AP1AR: variants seen among roughly 807,000 people sequenced by gnomAD.
The protein encoded by AP1AR is AP-1 complex-associated regulatory protein.
A neutral mutation model predicts 46.3 loss-of-function variants in AP1AR; 29 were observed. The ratio of observed to expected loss-of-function variants is 0.63; its 90% CI spans 0.47 to 0.85. The LOEUF is 0.85. Ranked by LOEUF, AP1AR falls within the 40% of genes least tolerant of loss-of-function variation. The pLI is 0.00. For synonymous variants in AP1AR, 122 were observed against 122.9 expected (o/e 0.99, Z 0.05); for missense variants, 357 against 356.3 (o/e 1.00, Z -0.02).
intron 9 of AP1AR, 173 bp downstream of exon 9, chr4:112,266,889 T>G (rs1019679191): frequency 1.9e-6 from 1 of 522,778 alleles, no homozygotes; most frequent in African/African-American, 2.0e-5. Flanking sequence ...TAAAAATTTT[T>G]AGAAAATTGC....
intron 1 of AP1AR, among the ~76,000 whole-genome samples, chr4:112,240,234 T>C (rs1426330132): frequency 6.6e-6 from 1 of 152,214 alleles, no homozygotes. Flanking sequence ...GTGTCACACT[T>C]TTCCTTGAAT....
chr4:112,247,077 A>C (rs1193627381), intron 1 of AP1AR, among the ~76,000 whole-genome samples: 2 of 152,196 alleles, frequency 1.3e-5, no homozygotes, highest in Non-Finnish European at 2.9e-5. Context: ...ACTGGGAGAT[A>C]ACTCACTCTT....
Position 112,268,563 on chromosome 4 carries a change from G to T in AP1AR, c.*154G>T. 1.5e-6 allele frequency: 1 copy of T among 673,212 alleles called. No homozygotes were observed. Among genetic ancestry groups the T allele is most frequent in the Non-Finnish European group, 2.2e-6 (1 of 446,880 alleles). 41.7% of individuals were successfully genotyped at this position (673,212 alleles called of 1,614,324 possible). ...TATTACAAAGGAGTAGGGATGATAG[G>T]ATCTGAATTGATACAGAATTAAGTG... On this transcript the variant is annotated 3_prime_UTR_variant, in exon 10 of 10. Transcript: ENST00000274000.
At position 112,254,611 on chromosome 4, in the gene AP1AR, T is replaced by C. The variant is rs1045903741; in HGVS notation, c.133-136T>C. 8.1e-6 allele frequency: 4 copies of C among 493,560 alleles called. No individual in the cohort carries two copies. The African/African-American group carries it at 8.2e-5, about 10-fold the overall frequency. 30.6% of individuals were successfully genotyped at this position (493,560 alleles called of 1,614,324 possible). On this transcript the variant is annotated intron_variant, in intron 2 of 9. Transcript: ENST00000274000. ...AAATATATCAAATGAAATGATGTAT[T>C]AAAGAGGCATTTGAATTAAATAGCT...
intron 1 of AP1AR, among the ~76,000 whole-genome samples, 194 bp from the exon 2 acceptor site, chr4:112,253,014 C>A (rs1726025402): frequency 6.6e-6 from 1 of 152,066 alleles, no homozygotes; most frequent in Admixed American, 6.5e-5. Flanking sequence ...ATTGACTAAA[C>A]AAAGTCATAA....
chr4:112,247,349 G>A (rs1033370705), intron 1 of AP1AR, among the ~76,000 whole-genome samples: 1 of 152,222 alleles, frequency 6.6e-6, no homozygotes, highest in African/African-American at 2.4e-5. Flanking sequence ...TAGCTCCAGG[G>A]TTAAATATAG....
intron 4 of AP1AR, among the ~76,000 whole-genome samples, chr4:112,258,618 CTAA>C (rs1726305848): frequency 6.6e-6 from 1 of 152,126 alleles, no homozygotes; most frequent in Non-Finnish European, 1.5e-5. Context: ...TTGGTTAATG[CTAA>C]CTATCCAGGC....
In AP1AR at chr4:112,271,715, G is replaced by C. The variant is rs963976261; in HGVS notation, c.*3306G>C. On this transcript the variant is annotated 3_prime_UTR_variant, in exon 10 of 10. Transcript: ENST00000274000. Reference sequence around the variant, plus strand: ...AAAATGAAAGAGTTCTATTTGAAAAGTTAACTTTGAGGTGTTCATAAGATA... The same window carrying C: ...AAAATGAAAGAGTTCTATTTGAAAACTTAACTTTGAGGTGTTCATAAGATA... 1.3e-5 allele frequency among the ~76,000 whole-genome samples: 2 copies of C among 152,198 alleles called. No homozygotes were observed. The highest frequency in any genetic ancestry group is 2.4e-5 in the African/African-American group (1 of 41,456).
intron 1 of AP1AR, among the ~76,000 whole-genome samples, chr4:112,252,267 T>C (rs1276322606): frequency 6.6e-6 from 1 of 152,198 alleles, no homozygotes; most frequent in Non-Finnish European, 1.5e-5. Context: ...AAAAGAATTC[T>C]GACCTGTCCT....
In AP1AR at chr4:112,268,194, A is replaced by C. The variant is rs750296615; in HGVS notation, c.694A>C (p.Ile232Leu). The change falls in exon 10 of 10, where the codon ATT becomes CTT. Residue 232 changes from isoleucine (I) to leucine (L), a missense_variant. Around this residue, in one of 2 missense-constraint regions of AP1AR, gnomAD observed 88 missense variants for 132.7 expected, o/e 0.66. Transcript: ENST00000274000. ...AGAACGTTCCAAAACAGAGGAAGACATTCTACGGGCAGCACTTAAGTATAG... is the reference window on the plus strand; with the variant it reads ...AGAACGTTCCAAAACAGAGGAAGACCTTCTACGGGCAGCACTTAAGTATAG... ...MRERSKTEEDILRAALKYSNK... is the reference protein window; with the variant it reads ...MRERSKTEEDLLRAALKYSNK... 4 of 1,605,944 alleles carry C rather than the reference A, an allele frequency of 2.5e-6. No homozygotes were observed. Among genetic ancestry groups the C allele is most frequent in the African/African-American group, 1.3e-5 (1 of 74,734 alleles).
chr4:112,243,239 G>A (rs1009005829), intron 1 of AP1AR, among the ~76,000 whole-genome samples: 3 of 152,020 alleles, frequency 2.0e-5, no homozygotes, highest in African/African-American at 2.4e-5. Context: ...GTCCTTTATC[G>A]TTTCACTGCT....
At position 112,253,226 on chromosome 4, in the gene AP1AR, A is replaced by G. The variant is rs1368967719; in HGVS notation, c.102A>G (p.Thr34=). Residue 34 remains threonine (T), a synonymous_variant, in exon 2 of 10, where the codon ACA becomes ACG. Transcript: ENST00000274000. ...TTCCCAGATCCAAGTATTTTAGAAC[A>G]TGCTCAAGAGGTGAGCACTTAACAA... is the stretch of plus-strand genomic sequence containing the variant. The part of the protein sequence containing the change: ...GGGGGSKYFR[T]CSRGEHLTIE... 2.5e-6 allele frequency: 4 copies of G among 1,610,914 alleles called. No individual in the cohort carries two copies. The highest frequency in any genetic ancestry group is 3.4e-6 in the Non-Finnish European group (4 of 1,178,896).
At chr4:112,240,524 C>T (rs570499078) in intron 1 of AP1AR, among the ~76,000 whole-genome samples, 2 of 152,330 alleles carry the variant, frequency 1.3e-5, no homozygotes, top group Admixed American at 1.3e-4. Flanking sequence ...ATACCCAGCT[C>T]TCAGTTAAGT....
At chr4:112,249,994 A>G (rs1578410786) in intron 1 of AP1AR, among the ~76,000 whole-genome samples, 1 of 152,198 alleles carries the variant, frequency 6.6e-6, no homozygotes, top group African/African-American at 2.4e-5. Flanking sequence ...CTGTTTGTTG[A>G]CAGTTGTATT....
rs1726865830 is a variant in AP1AR at position 112,269,613 on chromosome 4, A to G, written c.*1204A>G. ...TGCAACAATGACGGTGCATGTTCTT[A>G]TAAATATAGGAAGGTCCAGATATAA... is the stretch of plus-strand genomic sequence containing the variant. On this transcript the variant is annotated 3_prime_UTR_variant, in exon 10 of 10. Transcript: ENST00000274000. 1 of 152,210 alleles carries G rather than the reference A, an allele frequency of 6.6e-6. No individual in the cohort carries two copies. The highest frequency in any genetic ancestry group is 1.5e-5 in the Non-Finnish European group (1 of 67,848). The allele number at this position is 152,210 out of a possible 1,614,324, so 9.4% of individuals were successfully genotyped here. A position where few individuals can be genotyped will look rare whatever the true frequency, so the allele number is the denominator to read the frequency against.
At chr4:112,266,848 C>A in intron 9 of AP1AR, 132 bp downstream of exon 9, 3 of 818,292 alleles carry the variant, frequency 3.7e-6, no homozygotes, top group Middle Eastern at 3.9e-4. Flanking sequence ...ACTTTTTAGA[C>A]CATTATTGTA....
chr4:112,265,374 T>A, intron 7 of AP1AR: 1 of 351,276 alleles, frequency 2.8e-6, no homozygotes. Context: ...CCTTAGTCCC[T>A]CTCTTTCTTA....
rs1470699503 is a variant in AP1AR at position 112,271,898 on chromosome 4, C to G, written c.*3489C>G. Among the ~76,000 whole-genome samples, 1 of 152,136 alleles carries G rather than the reference C, an allele frequency of 6.6e-6. No homozygotes were observed. The highest frequency in any genetic ancestry group is 1.5e-5 in the Non-Finnish European group (1 of 68,030). On this transcript the variant is annotated 3_prime_UTR_variant, in exon 10 of 10. Coordinates refer to ENST00000274000, the MANE Select transcript of AP1AR (RefSeq NM_018569.6). ...GGAGCACATAGGCAGAAAAGCCCCA[C>G]TAAGTGTTGACATTTAGAAGTTGGG...
At chr4:112,249,149 C>T (rs1046209985) in intron 1 of AP1AR, among the ~76,000 whole-genome samples, 5 of 151,848 alleles carry the variant, frequency 3.3e-5, no homozygotes, top group Non-Finnish European at 5.9e-5. Flanking sequence ...AAAAAATTAG[C>T]GGGGCGTGGT....
Sources: gnomAD v4.1 joint callset for allele counts (sites outside exome capture counted in the v4.1 genomes callset) on GRCh38, gnomAD v4.1.1 for gene constraint, gnomAD v4.1.1 regional missense constraint, MANE v1.5 for transcripts, NCBI Gene and HGNC (gene_info 2026-07-23, HGNC 2026-07-21) for gene names.